The following UBE2W variants were observed in gnomAD, a reference collection of about 807,000 sequenced individuals.
UBE2W encodes ubiquitin conjugating enzyme E2 W, also known as ubiquitin-conjugating enzyme E2 W.
Under a neutral mutation model 27.2 loss-of-function variants are expected in UBE2W, and 18 were observed. The observed-to-expected ratio is 0.66, with a 90% CI of 0.46 to 0.98. The LOEUF (loss-of-function observed/expected upper bound fraction) is 0.98, where lower values mean the gene tolerates loss of function less well. Among genes scored for constraint, UBE2W ranks in the 50% least tolerant of loss-of-function variants. The pLI, the probability that UBE2W is intolerant of heterozygous loss-of-function variation, is 0.00. For synonymous variants in UBE2W, 53 were observed against 57.2 expected (o/e 0.93, Z 0.33); for missense variants, 90 against 180.2 (o/e 0.50, Z 2.87).
At chr8:73,823,211 T>C (rs1285134297) in intron 3 of UBE2W, among the ~76,000 whole-genome samples, 2 of 152,000 alleles carry the variant, frequency 1.3e-5, no homozygotes, top group African/African-American at 4.8e-5. Context: ...ATAAAATGAA[T>C]TTGAAATAGG....
At chr8:73,828,196 A>C (rs1050151127) in intron 2 of UBE2W, among the ~76,000 whole-genome samples, 1 of 152,140 alleles carries the variant, frequency 6.6e-6, no homozygotes, top group Non-Finnish European at 1.5e-5. Flanking sequence ...CTAATGTTTA[A>C]GCATTAGAAT....
At chr8:73,863,799 G>T (rs529039547) in intron 1 of UBE2W, among the ~76,000 whole-genome samples, 12 of 152,016 alleles carry the variant, frequency 7.9e-5, no homozygotes, top group African/African-American at 2.7e-4. Context: ...CAATACCCAG[G>T]ATGCATTCCA....
intron 1 of UBE2W, among the ~76,000 whole-genome samples, chr8:73,849,456 G>A (rs923818466): frequency 2.4e-4 from 31 of 127,296 alleles, no homozygotes; most frequent in African/African-American, 8.5e-4. Context: ...AGATTGTAGT[G>A]AGCCAAGATC....
chr8:73,866,715 C>T (rs1333803829), intron 1 of UBE2W, among the ~76,000 whole-genome samples: 7 of 152,022 alleles, frequency 4.6e-5, no homozygotes, highest in African/African-American at 1.7e-4. Flanking sequence ...AATTTTTGTG[C>T]TTCAAATGAC....
rs577048406 is a variant in UBE2W at position 73,790,532 on chromosome 8, T to C, written c.*3570A>G. On this transcript the variant is annotated 3_prime_UTR_variant, in exon 6 of 6. Transcript: ENST00000602593. Reference sequence around the variant, plus strand: ...TACAAATAATTGTAAATTTTAAGCATTCAGCTAAGATATGTACAAAAAAAT... The same window carrying C: ...TACAAATAATTGTAAATTTTAAGCACTCAGCTAAGATATGTACAAAAAAAT... The C allele has an allele frequency of 6.1e-6, 6 of 984,272 alleles. No individual in the cohort carries two copies. The African/African-American group carries it at 7.0e-5, about 11-fold the overall frequency. The allele number at this position is 984,272 out of a possible 1,614,324, so 61.0% of individuals were successfully genotyped here. A position where few individuals can be genotyped will look rare whatever the true frequency, so the allele number is the denominator to read the frequency against.
Position 73,788,092 on chromosome 8 carries a change from A to G in UBE2W, c.*6010T>C. On this transcript the variant is annotated 3_prime_UTR_variant, in exon 6 of 6. Transcript: ENST00000602593. ...GTCATAAACCAAAAAGAGGTCTGGT[A>G]TCTATCCCATTTAGTATTCAAGTCT... 1 of 984,344 alleles carries G rather than the reference A, an allele frequency of 1.0e-6. No homozygotes were observed. The highest frequency in any genetic ancestry group is 1.2e-6 in the Non-Finnish European group (1 of 828,940). The allele number at this position is 984,344 out of a possible 1,614,324, so 61.0% of individuals were successfully genotyped here.
intron 2 of UBE2W, among the ~76,000 whole-genome samples, chr8:73,825,623 G>A (rs1234077788): frequency 4.6e-5 from 7 of 152,164 alleles, no homozygotes; most frequent in Non-Finnish European, 7.3e-5. Flanking sequence ...CCAACATGGT[G>A]AAACCGGTCT....
intron 1 of UBE2W, among the ~76,000 whole-genome samples, chr8:73,836,206 C>G (rs927498224): frequency 6.6e-6 from 1 of 152,072 alleles, no homozygotes; most frequent in Non-Finnish European, 1.5e-5. Flanking sequence ...CTGGACCATG[C>G]TTTTTTACTG....
intron 1 of UBE2W, among the ~76,000 whole-genome samples, chr8:73,839,691 A>G (rs1268151336): frequency 6.6e-6 from 1 of 151,136 alleles, no homozygotes; most frequent in East Asian, 1.9e-4. Flanking sequence ...AGTATTCAAA[A>G]TAGCATCCTA....
intron 3 of UBE2W, among the ~76,000 whole-genome samples, chr8:73,814,393 C>G (rs542370821): frequency 7.9e-4 from 121 of 152,300 alleles, no homozygotes; most frequent in Middle Eastern, 6.8e-3. Flanking sequence ...CACGGACATT[C>G]CTCGCTGCGT....
intron 4 of UBE2W, among the ~76,000 whole-genome samples, chr8:73,807,219 G>C (rs1443650524): frequency 6.6e-6 from 1 of 152,076 alleles, no homozygotes; most frequent in Admixed American, 6.6e-5. Context: ...ATATTGTATA[G>C]TGTATATGCA....
chr8:73,808,476 A>G (rs1342953013), intron 4 of UBE2W, among the ~76,000 whole-genome samples: 4 of 152,126 alleles, frequency 2.6e-5, no homozygotes, highest in Admixed American at 6.6e-5. Flanking sequence ...CAAGTGCTCC[A>G]CCCTTCTCGG....
At chr8:73,831,127 T>C (rs1420625210) in intron 1 of UBE2W, 5 of 390,408 alleles carry the variant, frequency 1.3e-5, no homozygotes, top group Non-Finnish European at 2.4e-5. Context: ...AGTAAATACA[T>C]CTATGGCAGT....
rs751852084 is a variant in UBE2W, at chr8:73,794,128, G to A, written c.443-13C>T. 11 of 1,611,966 alleles carry A rather than the reference G, an allele frequency of 6.8e-6. No homozygotes were observed. Among genetic ancestry groups the A allele is most frequent in the Non-Finnish European group, 9.3e-6 (11 of 1,179,138 alleles). ...CAACAAGTATCATCTTTAAGAAAAG[G>A]AGAAAAAAGATAATTAAAAAGTCAA... is the stretch of plus-strand genomic sequence containing the variant. On this transcript the variant is annotated splice_polypyrimidine_tract_variant and intron_variant, in intron 5 of 5. Coordinates refer to ENST00000602593, the MANE Select transcript of UBE2W (RefSeq NM_018299.6).
rs374502560 is a variant in UBE2W at position 73,878,852 on chromosome 8, G to A, written c.-30C>T. ...GAACCATCCCCCCAAGACCGGCGAG[G>A]CCAGAGACGCAGGGGGAGGAGCTGC... On this transcript the variant is annotated 5_prime_UTR_variant, in exon 1 of 6. Transcript: ENST00000602593. 4 of 1,547,588 alleles carry A rather than the reference G, an allele frequency of 2.6e-6. No individual in the cohort carries two copies. The highest frequency in any genetic ancestry group is 1.2e-5 in the South Asian group (1 of 83,854).
At chr8:73,796,037 G>A (rs1425687767) in intron 5 of UBE2W, 3 of 119,880 alleles carry the variant, frequency 2.5e-5, no homozygotes, top group Admixed American at 2.3e-4. Context: ...GCAGTGAGCC[G>A]TGATCCCTAG....
chr8:73,824,735 G>A (rs966039496), intron 3 of UBE2W, among the ~76,000 whole-genome samples: 7 of 152,120 alleles, frequency 4.6e-5, no homozygotes, highest in African/African-American at 9.7e-5. Flanking sequence ...AATAAGGCTC[G>A]TACTCCTATG....
intron 1 of UBE2W, 105 bp downstream of exon 1, chr8:73,878,703 C>G: frequency 1.8e-6 from 2 of 1,091,272 alleles, no homozygotes; most frequent in Non-Finnish European, 2.7e-6. Context: ...GGACCGATCC[C>G]GAACCCGCCC....
Position 73,787,762 on chromosome 8 carries a change from A to T in UBE2W, c.*6340T>A, listed in dbSNP as rs1808019033. The T allele has an allele frequency of 1.0e-6, 1 of 985,352 alleles. No homozygotes were observed. The highest frequency in any genetic ancestry group is 1.7e-5 in the African/African-American group (1 of 57,262). The allele number at this position is 985,352 out of a possible 1,614,324, so 61.0% of individuals were successfully genotyped here. On this transcript the variant is annotated 3_prime_UTR_variant, in exon 6 of 6. Transcript: ENST00000602593. ...TGTTTGTATACTCCAGAAAGCATCC[A>T]GAAGTTCTTAGAGTATGCCCTTAAT...
Sources: allele counts gnomAD v4.1 joint callset (sites outside exome capture counted in the v4.1 genomes callset), GRCh38; gene constraint gnomAD v4.1.1; transcripts MANE v1.5; gene names NCBI Gene and HGNC (gene_info 2026-07-23, HGNC 2026-07-21).